CNTNAP3B: variants seen among roughly 807,000 people sequenced by gnomAD.
CNTNAP3B encodes contactin-associated protein-like 3B.
CNTNAP3B carries 25 observed loss-of-function variants against 108.9 expected under a neutral mutation model. The ratio of observed to expected loss-of-function variants is 0.23; its 90% confidence interval spans 0.17 to 0.32. The LOEUF is 0.32. Among genes scored for constraint, CNTNAP3B ranks in the 10% least tolerant of loss-of-function variants. CNTNAP3B has a pLI of 1.00. For synonymous variants in CNTNAP3B, 103 were observed against 473.4 expected (o/e 0.22, Z 10.16); for missense variants, 252 against 1,210.4 (o/e 0.21, Z 11.75).
At chr9:41,965,753 C>T (rs1404489600) in intron 10 of CNTNAP3B, among the ~76,000 whole-genome samples, 6 of 152,146 alleles carry the variant, frequency 3.9e-5, no homozygotes, top group African/African-American at 1.2e-4. Flanking sequence ...TGTGACAGGC[C>T]TCCTGGCTGT....
At chr9:41,940,721 A>G (rs1446646745) in intron 13 of CNTNAP3B, among the ~76,000 whole-genome samples, 1 of 152,144 alleles carries the variant, frequency 6.6e-6, no homozygotes, top group Non-Finnish European at 1.5e-5. Flanking sequence ...AGGCTGAGGC[A>G]GGAGAATGGC....
At chr9:41,958,341 T>G (rs1160510476) in intron 12 of CNTNAP3B, among the ~76,000 whole-genome samples, 10 of 152,294 alleles carry the variant, frequency 6.6e-5, no homozygotes, top group African/African-American at 2.4e-4. Context: ...GAGGTGGGGG[T>G]CTCACTGTGT....
chr9:42,125,733 C>A (rs1272599752), intron 1 of CNTNAP3B, among the ~76,000 whole-genome samples: 1 of 129,164 alleles, frequency 7.7e-6, no homozygotes, highest in Non-Finnish European at 1.6e-5. Flanking sequence ...TGCAGTGGCA[C>A]GATCTCAGCT....
chr9:41,934,122 T>TATATATATATATATATACACACACAC (rs1214326050), intron 14 of CNTNAP3B, among the ~76,000 whole-genome samples: 1 of 73,472 alleles, frequency 1.4e-5, no homozygotes, highest in Non-Finnish European at 2.6e-5. Flanking sequence ...TATATATATA[T>TATATATATATATATATACACACACAC]ACACACACAT....
In CNTNAP3B at chr9:42,075,388, C is replaced by T. The variant is rs1196456225; in HGVS notation, c.390+1481G>A. ...CAGGCACAGTGACTTTGAAAGGAAG[C>T]TCACACTGTGAGCGGGCACCAGGAA... On this transcript the variant is annotated intron_variant, in intron 3 of 23. Transcript: ENST00000377561. 1.4e-5 allele frequency among the ~76,000 whole-genome samples: 2 copies of T among 140,188 alleles called. 1 individual carries two copies. The highest frequency in any genetic ancestry group is 1.4e-4 in the Admixed American group (2 of 14,156). The allele number at this position is 140,188 out of a possible 152,430, so 92.0% of individuals were successfully genotyped here. A position where few individuals can be genotyped will look rare whatever the true frequency, so the allele number is the denominator to read the frequency against.
chr9:41,941,705 A>G, intron 13 of CNTNAP3B, among the ~76,000 whole-genome samples: 1 of 142,142 alleles, frequency 7.0e-6, no homozygotes, highest in Non-Finnish European at 1.5e-5. Flanking sequence ...TGAAAACAGC[A>G]TCACGGCTAA....
In CNTNAP3B at chr9:42,123,868, C is replaced by T. The variant is rs1252131589; in HGVS notation, c.85+5142G>A. Among the ~76,000 whole-genome samples, 3 of 125,202 alleles carry T rather than the reference C, an allele frequency of 2.4e-5. 1 individual carries two copies. Among genetic ancestry groups the T allele is most frequent in the African/African-American group, 9.9e-5 (3 of 30,402 alleles). 82.1% of individuals were successfully genotyped at this position (125,202 alleles called of 152,430 possible). ...TACTGAGTTATAAGGCATAACTCAACATGTTATTTTAACCTAAAATTTTCT... is the reference window on the plus strand; with the variant it reads ...TACTGAGTTATAAGGCATAACTCAATATGTTATTTTAACCTAAAATTTTCT... On this transcript the variant is annotated intron_variant, in intron 1 of 23. Transcript: ENST00000377561.
rs1053882524 is a variant in CNTNAP3B at position 42,112,386 on chromosome 9, G to T, written c.86-7647C>A. ...CTCACTCACAGGGAGCCACACAGCA[G>T]CCATGTGCGGCGGCAGATGGGGATG... is the stretch of plus-strand genomic sequence containing the variant. On this transcript the variant is annotated intron_variant, in intron 1 of 23. Transcript: ENST00000377561. Among the ~76,000 whole-genome samples the T allele has an allele frequency of 5.7e-5, 8 of 139,418 alleles. 2 individuals carry two copies. The highest frequency in any genetic ancestry group is 2.3e-4 in the African/African-American group (8 of 35,042). 91.5% of individuals were successfully genotyped at this position (139,418 alleles called of 152,430 possible).
At chr9:42,101,655 CTAAG>C (rs1168979730) in intron 2 of CNTNAP3B, among the ~76,000 whole-genome samples, 1 of 61,314 alleles carries the variant, frequency 1.6e-5, no homozygotes, top group Non-Finnish European at 3.0e-5. Flanking sequence ...TTTTTTTGCC[CTAAG>C]TCTTTGTCAG....
chr9:42,030,810 A>AGGG (rs1329134898), intron 3 of CNTNAP3B, among the ~76,000 whole-genome samples: 2 of 79,766 alleles, frequency 2.5e-5, no homozygotes, highest in Non-Finnish European at 5.0e-5. Context: ...AGAGAGAGAG[A>AGGG]GAGGAGAGAG....
At chr9:41,963,783 C>T (rs1008137242) in intron 11 of CNTNAP3B, among the ~76,000 whole-genome samples, 2 of 152,280 alleles carry the variant, frequency 1.3e-5, no homozygotes, top group Admixed American at 6.5e-5. Context: ...CCTCATCTTC[C>T]CACAAACTAG....
intron 15 of CNTNAP3B, among the ~76,000 whole-genome samples, chr9:41,927,699 A>T (rs1823859147): frequency 6.6e-6 from 1 of 152,192 alleles, no homozygotes; most frequent in Admixed American, 6.5e-5. Context: ...AATATGAGAT[A>T]AACAGAAAAG....
At chr9:42,118,042 A>C (rs28815818) in intron 1 of CNTNAP3B, among the ~76,000 whole-genome samples, 50,641 of 126,638 alleles carry the variant, frequency 0.4, 13,699 homozygotes, top group East Asian at 0.64. Context: ...TAATAGCTTA[A>C]CAACCAAAAA....
chr9:42,057,028 A>AT (rs970413237), intron 3 of CNTNAP3B, among the ~76,000 whole-genome samples: 3 of 20,442 alleles, frequency 1.5e-4, no homozygotes, highest in African/African-American at 5.3e-4. Context: ...AGTTTTATTA[A>AT]TTTTTTCCTG....
At chr9:42,086,295 G>A (rs1237983126) in intron 2 of CNTNAP3B, among the ~76,000 whole-genome samples, 3 of 138,670 alleles carry the variant, frequency 2.2e-5, no homozygotes, top group Admixed American at 7.2e-5. Context: ...CAACACCTAG[G>A]AATTATGAGA....
At chr9:41,939,291 T>G (rs1824258959) in intron 13 of CNTNAP3B, among the ~76,000 whole-genome samples, 1 of 152,304 alleles carries the variant, frequency 6.6e-6, no homozygotes, top group South Asian at 2.1e-4. Flanking sequence ...AAAATGAAAT[T>G]GGATTAACTC....
At position 41,990,226 on chromosome 9, in the gene CNTNAP3B, A is replaced by G. The variant is rs1338983821; in HGVS notation, c.1333+1384T>C. Among the ~76,000 whole-genome samples, 3 of 137,002 alleles carry G rather than the reference A, an allele frequency of 2.2e-5. 1 individual carries two copies. Among genetic ancestry groups the G allele is most frequent in the South Asian group, 2.4e-4 (1 of 4,168 alleles). 89.9% of individuals were successfully genotyped at this position (137,002 alleles called of 152,430 possible). ...TTTTATCTGTACTTATTTCCCTAAC[A>G]CTGGTTCTCTCATCAATGAGTTAAA... On this transcript the variant is annotated intron_variant, in intron 8 of 23. Transcript: ENST00000377561.
intron 12 of CNTNAP3B, among the ~76,000 whole-genome samples, chr9:41,956,530 A>C (rs534178222): frequency 1.3e-5 from 2 of 152,186 alleles, no homozygotes; most frequent in Non-Finnish European, 2.9e-5. Flanking sequence ...AGTATATCAT[A>C]TGAAATCCCC....
chr9:41,968,807 T>TA (rs1443739812), intron 10 of CNTNAP3B, among the ~76,000 whole-genome samples: 3 of 149,652 alleles, frequency 2.0e-5, no homozygotes, highest in Admixed American at 6.6e-5. Flanking sequence ...ATAACTTTTT[T>TA]TTTTTTTTTG....
Sources: allele counts gnomAD v4.1 joint callset (sites outside exome capture counted in the v4.1 genomes callset), GRCh38; gene constraint gnomAD v4.1.1; transcripts MANE v1.5; gene names NCBI Gene and HGNC (gene_info 2026-07-23, HGNC 2026-07-21).